NAP1L5: variants seen among roughly 807,000 people sequenced by gnomAD.
NAP1L5 encodes the protein nucleosome assembly protein 1 like 5.
For synonymous variants in NAP1L5, 125 were observed against 103.6 expected (o/e 1.21, Z -1.25); for missense variants, 249 against 246.4 (o/e 1.01, Z -0.07).
rs755728167 is a variant in NAP1L5, at chr4:88,697,485, T to G, written c.270A>C (p.Arg90=). 11 of 1,614,056 alleles carry G rather than the reference T, an allele frequency of 6.8e-6. No homozygotes were observed. Among genetic ancestry groups the G allele is most frequent in the Non-Finnish European group, 8.5e-6 (10 of 1,180,042 alleles). Residue 90 remains arginine (R), a synonymous_variant, in exon 1 of 1, where the codon CGA becomes CGC. Coordinates refer to ENST00000323061, the MANE Select transcript of NAP1L5 (RefSeq NM_153757.4). ...RVLALKKLQK[R]CDKIEAKFDK... Reference sequence around the variant, plus strand: ...CAAATTTGGCTTCTATCTTATCGCATCGCTTCTGCAGCTTTTTGAGGGCCA... The same window carrying G: ...CAAATTTGGCTTCTATCTTATCGCAGCGCTTCTGCAGCTTTTTGAGGGCCA...
In NAP1L5 at chr4:88,696,074, T is replaced by C. The variant is rs1734571374; in HGVS notation, c.*1132A>G. The C allele has an allele frequency of 1.3e-5, 2 of 152,610 alleles. No homozygotes were observed. The highest frequency in any genetic ancestry group is 2.9e-5 in the Non-Finnish European group (2 of 68,032). 9.5% of individuals were successfully genotyped at this position (152,610 alleles called of 1,614,324 possible). A position where few individuals can be genotyped will look rare whatever the true frequency, so the allele number is the denominator to read the frequency against. On this transcript the variant is annotated 3_prime_UTR_variant, in exon 1 of 1. Transcript: ENST00000323061. ...TTCCTAAAAATCCTTACTGTATGCA[T>C]CTGTCCTCAAGCAGTAAAATTTGAT...
At position 88,696,014 on chromosome 4, in the gene NAP1L5, CA is replaced by C. The variant is rs1168485143; in HGVS notation, c.*1191del. Reference sequence around the variant, plus strand: ...TGGCTCACACATAATTCAAAACCCACACAGAAGCTAAGAGTCTTTACATTAA... The same window carrying C: ...TGGCTCACACATAATTCAAAACCCACCAGAAGCTAAGAGTCTTTACATTAA... On this transcript the variant is annotated 3_prime_UTR_variant, in exon 1 of 1. Coordinates refer to ENST00000323061, the MANE Select transcript of NAP1L5 (RefSeq NM_153757.4). The C allele has an allele frequency of 6.6e-6, 1 of 152,624 alleles. No homozygotes were observed. Among genetic ancestry groups the C allele is most frequent in the Admixed American group, 6.5e-5 (1 of 15,282 alleles). The allele number at this position is 152,624 out of a possible 1,614,324, so 9.5% of individuals were successfully genotyped here.
chr4:88,696,917 T>A lies in NAP1L5; in HGVS notation c.*289A>T. 2.8e-6 allele frequency: 1 copy of A among 353,720 alleles called. No individual in the cohort carries two copies. Among genetic ancestry groups the A allele is most frequent in the Non-Finnish European group, 5.0e-6 (1 of 199,792 alleles). 21.9% of individuals were successfully genotyped at this position (353,720 alleles called of 1,614,324 possible). A position where few individuals can be genotyped will look rare whatever the true frequency, so the allele number is the denominator to read the frequency against. On this transcript the variant is annotated 3_prime_UTR_variant, in exon 1 of 1. Transcript: ENST00000323061. ...TTACTTCGCATCTGCTAACACCCTTTGTAAACCTCAATCCTCAGAGAAGAG... is the reference window on the plus strand; with the variant it reads ...TTACTTCGCATCTGCTAACACCCTTAGTAAACCTCAATCCTCAGAGAAGAG...
rs753962131 is a variant in NAP1L5 at position 88,697,261 on chromosome 4, G to A, written c.494C>T (p.Ala165Val). Residue 165 changes from alanine to valine, a missense_variant, in exon 1 of 1, where the codon GCG (alanine) becomes GTG (valine). Physicochemically the swap from Ala to Val is moderately conservative, Grantham distance 64. Transcript: ENST00000323061. Reference protein sequence around the residue: ...EEEEAAAEAAAGAKHDDAHAE... With the variant: ...EEEEAAAEAAVGAKHDDAHAE... The stretch of plus-strand genomic sequence containing the variant: ...GTGGGCATCGTCATGTTTGGCCCCC[G>A]CGGCAGCCTCTGCCGCAGCCTCCTC... The A allele has an allele frequency of 6.4e-7, 1 of 1,567,304 alleles. No homozygotes were observed. The highest frequency in any genetic ancestry group is 8.6e-7 in the Non-Finnish European group (1 of 1,159,386).
chr4:88,697,662 A>T lies in NAP1L5; in HGVS notation c.93T>A (p.Gly31=), dbSNP rs752241773. ...AAAEEVMAEG[G]AQGGDCDSAA... ...CGCTGTCACAGTCTCCACCCTGCGC[A>T]CCGCCTTCCGCCATTACCTCCTCTG... The change falls in exon 1 of 1, where the codon GGT becomes GGA. Residue 31 remains glycine, a synonymous_variant. Transcript: ENST00000323061. The T allele has an allele frequency of 6.2e-6, 10 of 1,612,674 alleles. No homozygotes were observed. The highest frequency in any genetic ancestry group is 8.5e-6 in the Non-Finnish European group (10 of 1,179,892).
Position 88,697,767 on chromosome 4 carries a change from G to GCCGCAGAGGTCTAGGAGGGCTC in NAP1L5, c.-35_-14dup, listed in dbSNP as rs143993487. The GCCGCAGAGGTCTAGGAGGGCTC allele has an allele frequency of 8.1e-6, 13 of 1,597,950 alleles. No individual in the cohort carries two copies. The East Asian group carries it at 2.0e-4, about 25-fold the overall frequency. On this transcript the variant is annotated 5_prime_UTR_variant, in exon 1 of 1. Coordinates refer to ENST00000323061, the MANE Select transcript of NAP1L5 (RefSeq NM_153757.4). ...CCGAGTCGGCCATGTTAGAGGAGAA[G>GCCGCAGAGGTCTAGGAGGGCTC]CCGCAGAGGTCTAGGAGGGCTCCCG...
rs778506621 is a variant in NAP1L5, at chr4:88,697,635, C to T, written c.120G>A (p.Ala40=). 2.5e-6 allele frequency: 4 copies of T among 1,613,818 alleles called. No homozygotes were observed. The highest frequency in any genetic ancestry group is 1.1e-5 in the South Asian group (1 of 91,072). The part of the protein sequence containing the change: ...GGAQGGDCDS[A]AGDPDSAAGQ... ...CAGCCGCGCTGTCAGGGTCACCAGCCGCGCTGTCACAGTCTCCACCCTGCG... is the reference window on the plus strand; with the variant it reads ...CAGCCGCGCTGTCAGGGTCACCAGCTGCGCTGTCACAGTCTCCACCCTGCG... Residue 40 remains alanine (A), a synonymous_variant, in exon 1 of 1, where the codon GCG becomes GCA. Transcript: ENST00000323061.
chr4:88,696,033 T>G lies in NAP1L5; in HGVS notation c.*1173A>C, dbSNP rs957828036. ...AACCCACACAGAAGCTAAGAGTCTT[T>G]ACATTAAATATATTCTTCCTAAAAA... On this transcript the variant is annotated 3_prime_UTR_variant, in exon 1 of 1. Coordinates refer to ENST00000323061, the MANE Select transcript of NAP1L5 (RefSeq NM_153757.4). 1.3e-5 allele frequency: 2 copies of G among 152,666 alleles called. No homozygotes were observed. The highest frequency in any genetic ancestry group is 2.9e-5 in the Non-Finnish European group (2 of 68,042). 9.5% of individuals were successfully genotyped at this position (152,666 alleles called of 1,614,324 possible). A position where few individuals can be genotyped will look rare whatever the true frequency, so the allele number is the denominator to read the frequency against.
rs1481668103 is a variant in NAP1L5, at chr4:88,697,642, TCA to T, written c.111_112del (p.Cys37Ter). 1.9e-6 allele frequency: 3 copies of T among 1,613,568 alleles called. No individual in the cohort carries two copies. Among genetic ancestry groups the T allele is most frequent in the Non-Finnish European group, 2.5e-6 (3 of 1,179,984 alleles). On this transcript the variant is annotated stop_gained and frameshift_variant, in exon 1 of 1. Coordinates refer to ENST00000323061, the MANE Select transcript of NAP1L5 (RefSeq NM_153757.4). LOFTEE classifies it low-confidence loss of function (END_TRUNC). ...GCTGTCAGGGTCACCAGCCGCGCTG[TCA>T]CAGTCTCCACCCTGCGCACCGCCTT...
At position 88,697,518 on chromosome 4, in the gene NAP1L5, G is replaced by A; in HGVS notation, c.237C>T (p.Cys79=). The A allele has an allele frequency of 1.2e-6, 2 of 1,614,142 alleles. No homozygotes were observed. Among genetic ancestry groups the A allele is most frequent in the African/African-American group, 1.3e-5 (1 of 75,014 alleles). The change falls in exon 1 of 1, where the codon TGC becomes TGT. Residue 79 remains cysteine, a synonymous_variant. Coordinates refer to ENST00000323061, the MANE Select transcript of NAP1L5 (RefSeq NM_153757.4). ...FIESLPNSVK[C]RVLALKKLQK... The stretch of plus-strand genomic sequence containing the variant: ...GCAGCTTTTTGAGGGCCAGGACTCG[G>A]CATTTCACCGAATTAGGCAGGCTCT...
rs375307774 is a variant in NAP1L5, at chr4:88,697,260, C to T, written c.495G>A (p.Ala165=). 3.2e-6 allele frequency: 5 copies of T among 1,566,276 alleles called. No individual in the cohort carries two copies. The highest frequency in any genetic ancestry group is 2.4e-5 in the South Asian group (2 of 82,200). The stretch of plus-strand genomic sequence containing the variant: ...CGTGGGCATCGTCATGTTTGGCCCC[C>T]GCGGCAGCCTCTGCCGCAGCCTCCT... The part of the protein sequence containing the change: ...EEEEAAAEAA[A]GAKHDDAHAE... Residue 165 remains alanine, a synonymous_variant, in exon 1 of 1, where the codon GCG becomes GCA. Transcript: ENST00000323061.
Position 88,696,675 on chromosome 4 carries a change from A to G in NAP1L5, c.*531T>C, listed in dbSNP as rs1734629958. 6.5e-6 allele frequency: 1 copy of G among 152,932 alleles called. No homozygotes were observed. The highest frequency in any genetic ancestry group is 1.5e-5 in the Non-Finnish European group (1 of 68,256). The allele number at this position is 152,932 out of a possible 1,614,324, so 9.5% of individuals were successfully genotyped here. A position where few individuals can be genotyped will look rare whatever the true frequency, so the allele number is the denominator to read the frequency against. ...ATGATCTCCATTGCAATCTTCCTCA[A>G]TGCCATCAATCTCCTGTGAAGTGTA... On this transcript the variant is annotated 3_prime_UTR_variant, in exon 1 of 1. Coordinates refer to ENST00000323061, the MANE Select transcript of NAP1L5 (RefSeq NM_153757.4).
In NAP1L5 at chr4:88,697,368, C is replaced by T. The variant is rs1271905606; in HGVS notation, c.387G>A (p.Gly129=). 2 of 1,614,084 alleles carry T rather than the reference C, an allele frequency of 1.2e-6. No homozygotes were observed. Among genetic ancestry groups the T allele is most frequent in the Admixed American group, 3.3e-5 (2 of 60,022 alleles). The change falls in exon 1 of 1, where the codon GGG becomes GGA. Residue 129 remains glycine, a synonymous_variant. Transcript: ENST00000323061. ...CCTCCCCCTCCAAGGTCCATGCACA[C>T]CCCTCCATCTCGCCGGTGAGCTCTT... ...KIQELTGEME[G]CAWTLEGEEE...
rs1251161107 is a variant in NAP1L5 at position 88,696,912 on chromosome 4, C to A, written c.*294G>T. On this transcript the variant is annotated 3_prime_UTR_variant, in exon 1 of 1. Coordinates refer to ENST00000323061, the MANE Select transcript of NAP1L5 (RefSeq NM_153757.4). ...GTTCTTTACTTCGCATCTGCTAACA[C>A]CCTTTGTAAACCTCAATCCTCAGAG... The A allele has an allele frequency of 5.8e-6, 2 of 344,074 alleles. No homozygotes were observed. The highest frequency in any genetic ancestry group is 4.5e-5 in the Admixed American group (1 of 22,080). The allele number at this position is 344,074 out of a possible 1,614,324, so 21.3% of individuals were successfully genotyped here.
rs907174994 is a variant in NAP1L5 at position 88,696,493 on chromosome 4, A to G, written c.*713T>C. 6.6e-6 allele frequency: 1 copy of G among 152,196 alleles called. No individual in the cohort carries two copies. The highest frequency in any genetic ancestry group is 1.5e-5 in the Non-Finnish European group (1 of 67,994). The allele number at this position is 152,196 out of a possible 1,614,324, so 9.4% of individuals were successfully genotyped here. ...AAATAGACAGTACTAAGAAAACACA[A>G]ACATGAGATTGTAACTAATGAATAC... On this transcript the variant is annotated 3_prime_UTR_variant, in exon 1 of 1. Coordinates refer to ENST00000323061, the MANE Select transcript of NAP1L5 (RefSeq NM_153757.4).
chr4:88,697,637 C>T lies in NAP1L5; in HGVS notation c.118G>A (p.Ala40Thr), dbSNP rs1015741144. 2.5e-6 allele frequency: 4 copies of T among 1,613,742 alleles called. No homozygotes were observed. Among genetic ancestry groups the T allele is most frequent in the Non-Finnish European group, 3.4e-6 (4 of 1,179,956 alleles). The part of the protein sequence containing the change: ...GGAQGGDCDS[A>T]AGDPDSAAGQ... ...GCCGCGCTGTCAGGGTCACCAGCCG[C>T]GCTGTCACAGTCTCCACCCTGCGCA... The change falls in exon 1 of 1, where the codon GCG becomes ACG. Residue 40 changes from alanine to threonine, a missense_variant. By Grantham distance (58) the Ala-to-Thr change is moderately conservative. Coordinates refer to ENST00000323061, the MANE Select transcript of NAP1L5 (RefSeq NM_153757.4).
rs1734745174 is a variant in NAP1L5, at chr4:88,697,532, T to C, written c.223A>G (p.Asn75Asp). Residue 75 changes from asparagine to aspartate, a missense_variant, in exon 1 of 1, where the codon AAT becomes GAT. Asn to Asp is a conservative substitution (Grantham distance 23). Transcript: ENST00000323061. The stretch of plus-strand genomic sequence containing the variant: ...GCCAGGACTCGGCATTTCACCGAAT[T>C]AGGCAGGCTCTCGATAAAGTCATTT... ...PKNDFIESLP[N>D]SVKCRVLALK... 6.2e-7 allele frequency: 1 copy of C among 1,614,042 alleles called. No homozygotes were observed. Among genetic ancestry groups the C allele is most frequent in the Admixed American group, 1.7e-5 (1 of 60,012 alleles).
rs1734566857 is a variant in NAP1L5, at chr4:88,696,029, T to C, written c.*1177A>G. ...TCAAAACCCACACAGAAGCTAAGAG[T>C]CTTTACATTAAATATATTCTTCCTA... On this transcript the variant is annotated 3_prime_UTR_variant, in exon 1 of 1. Transcript: ENST00000323061. The C allele has an allele frequency of 1.3e-5, 2 of 152,460 alleles. No individual in the cohort carries two copies. Among genetic ancestry groups the C allele is most frequent in the African/African-American group, 4.8e-5 (2 of 41,366 alleles). 9.4% of individuals were successfully genotyped at this position (152,460 alleles called of 1,614,324 possible).
Position 88,696,919 on chromosome 4 carries a change from T to TA in NAP1L5, c.*286dup. ...ACTTCGCATCTGCTAACACCCTTTG[T>TA]AAACCTCAATCCTCAGAGAAGAGAC... On this transcript the variant is annotated 3_prime_UTR_variant, in exon 1 of 1. Coordinates refer to ENST00000323061, the MANE Select transcript of NAP1L5 (RefSeq NM_153757.4). 1 of 356,450 alleles carries TA rather than the reference T, an allele frequency of 2.8e-6. No homozygotes were observed. The highest frequency in any genetic ancestry group is 7.2e-4 in the Middle Eastern group (1 of 1,386). 22.1% of individuals were successfully genotyped at this position (356,450 alleles called of 1,614,324 possible). A position where few individuals can be genotyped will look rare whatever the true frequency, so the allele number is the denominator to read the frequency against.
Sources: gnomAD v4.1 joint callset for allele counts on GRCh38, gnomAD v4.1.1 for gene constraint, MANE v1.5 for transcripts, NCBI Gene and HGNC (gene_info 2026-07-23, HGNC 2026-07-21) for gene names.